SLC25A26: variants seen among roughly 807,000 people sequenced by gnomAD.
SLC25A26 encodes mitochondrial S-adenosylmethionine carrier protein.
Under a neutral mutation model 37.8 loss-of-function variants are expected in SLC25A26, and 36 were observed. The observed-to-expected ratio is 0.95, with a 90% CI of 0.73 to 1.26. The LOEUF (loss-of-function observed/expected upper bound fraction) is 1.26. Ranked by LOEUF, SLC25A26 falls within the 50% of genes most tolerant of loss-of-function variation. The pLI is 0.00. For synonymous variants in SLC25A26, 129 were observed against 122.5 expected, an observed-to-expected ratio of 1.05 and a Z score of -0.35; for missense variants, 390 against 331.1, an observed-to-expected ratio of 1.18 and a Z score of -1.38.
intron 1 of SLC25A26, among the ~76,000 whole-genome samples, chr3:66,188,476 C>G (rs888248505): frequency 1.6e-4 from 24 of 152,022 alleles, no homozygotes; most frequent in Admixed American, 6.6e-4. Flanking sequence ...CTATTAGTTC[C>G]CATGAGATCT....
chr3:66,268,287 G>T (rs761233178), intron 5 of SLC25A26, among the ~76,000 whole-genome samples: 5 of 152,238 alleles, frequency 3.3e-5, no homozygotes, highest in Non-Finnish European at 5.9e-5. Context: ...GAATTACTTC[G>T]TGAAAAGTAT....
At chr3:66,293,816 CTTTGCTGT>C (rs1407183755) in intron 5 of SLC25A26, among the ~76,000 whole-genome samples, 3 of 152,064 alleles carry the variant, frequency 2.0e-5, no homozygotes, top group Non-Finnish European at 4.4e-5. Flanking sequence ...GATTCCATGT[CTTTGCTGT>C]TGTGAATAGT....
chr3:66,188,780 C>A (rs1197664487), intron 1 of SLC25A26, among the ~76,000 whole-genome samples: 8 of 151,616 alleles, frequency 5.3e-5, no homozygotes, highest in Non-Finnish European at 1.2e-4. Context: ...ACGATTAACA[C>A]CCTGGCACTG....
intron 3 of SLC25A26, among the ~76,000 whole-genome samples, chr3:66,247,428 C>T (rs2072901611): frequency 6.6e-6 from 1 of 152,070 alleles, no homozygotes; most frequent in Non-Finnish European, 1.5e-5. Context: ...TCACTTTAGC[C>T]TCCTGAGTAG....
At chr3:66,321,252 G>A (rs768252935) in intron 5 of SLC25A26, among the ~76,000 whole-genome samples, 10 of 152,162 alleles carry the variant, frequency 6.6e-5, no homozygotes, top group Non-Finnish European at 1.3e-4. Context: ...TTTAACAAGC[G>A]CTTGAAATGA....
intron 5 of SLC25A26, among the ~76,000 whole-genome samples, chr3:66,333,225 C>A (rs1266624292): frequency 6.6e-6 from 1 of 152,132 alleles, no homozygotes; most frequent in Non-Finnish European, 1.5e-5. Context: ...AGCAAATATT[C>A]TTCTGCTTTA....
At chr3:66,249,088 TG>T (rs1266205648) in intron 3 of SLC25A26, among the ~76,000 whole-genome samples, 1 of 152,206 alleles carries the variant, frequency 6.6e-6, no homozygotes, top group Non-Finnish European at 1.5e-5. Context: ...AGATCAAATG[TG>T]TTATTCTTTC....
At position 66,369,358 on chromosome 3, in the gene SLC25A26, T is replaced by G; in HGVS notation, c.569-120T>G. The G allele has an allele frequency of 6.4e-6, 5 of 782,600 alleles. 1 individual carries two copies. The highest frequency in any genetic ancestry group is 4.9e-5 in the South Asian group (3 of 61,590). The allele number at this position is 782,600 out of a possible 1,614,324, so 48.5% of individuals were successfully genotyped here. A position where few individuals can be genotyped will look rare whatever the true frequency, so the allele number is the denominator to read the frequency against. On this transcript the variant is annotated intron_variant, in intron 7 of 9. Coordinates refer to ENST00000354883, the MANE Select transcript of SLC25A26 (RefSeq NM_001379210.1). ...AAGATTGTGCATGTGTGCATCCTGT[T>G]CTTCAATCAGCCAGGTGTACATAAT...
chr3:66,250,844 G>T (rs1305254354), intron 3 of SLC25A26, among the ~76,000 whole-genome samples: 1 of 152,134 alleles, frequency 6.6e-6, no homozygotes, highest in African/African-American at 2.4e-5. Flanking sequence ...AAAAAATTGT[G>T]CATCTATTTA....
intron 5 of SLC25A26, among the ~76,000 whole-genome samples, chr3:66,344,013 C>A (rs2076266788): frequency 6.6e-6 from 1 of 152,182 alleles, no homozygotes; most frequent in Non-Finnish European, 1.5e-5. Flanking sequence ...TAACAAACTT[C>A]TCTGAGATTC....
Position 66,150,188 on chromosome 3 carries a change from G to A in SLC25A26, c.-354+16204G>A, listed in dbSNP as rs573193073. ...TGATTGAGCCACTAGAACAACAAAA[G>A]TATTAACTTTAAAAAATATATAACA... On this transcript the variant is annotated intron_variant, in intron 1 of 10. Transcript: ENST00000676754. Among the ~76,000 whole-genome samples the A allele has an allele frequency of 1.5e-4, 23 of 151,988 alleles. No individual in the cohort carries two copies. The South Asian group carries it at 4.6e-3, about 30-fold the overall frequency.
intron 5 of SLC25A26, among the ~76,000 whole-genome samples, chr3:66,342,972 G>A (rs530859075): frequency 1.3e-5 from 2 of 152,216 alleles, no homozygotes; most frequent in African/African-American, 2.4e-5. Flanking sequence ...CAATAAAATG[G>A]GTATGTTGTG....
intron 1 of SLC25A26, among the ~76,000 whole-genome samples, chr3:66,191,027 T>A (rs2070931697): frequency 6.7e-6 from 1 of 148,370 alleles, no homozygotes; most frequent in South Asian, 2.2e-4. Flanking sequence ...TATTAGTGCA[T>A]ATAAGCTCAG....
At chr3:66,188,576 CCTT>C (rs1225359442) in intron 1 of SLC25A26, among the ~76,000 whole-genome samples, 2 of 152,152 alleles carry the variant, frequency 1.3e-5, no homozygotes, top group Non-Finnish European at 2.9e-5. Flanking sequence ...CTCCCCTTTG[CCTT>C]CTTCTATGAG....
At chr3:66,309,376 T>A (rs977562434) in intron 5 of SLC25A26, among the ~76,000 whole-genome samples, 6 of 152,216 alleles carry the variant, frequency 3.9e-5, no homozygotes, top group African/African-American at 1.4e-4. Flanking sequence ...TATCATTTTT[T>A]ATTGTGTCTA....
intron 5 of SLC25A26, among the ~76,000 whole-genome samples, chr3:66,289,912 A>T (rs988798332): frequency 1.3e-5 from 2 of 152,068 alleles, no homozygotes; most frequent in Non-Finnish European, 2.9e-5. Context: ...TTTGAGCAGT[A>T]TGGCCATTTT....
intron 6 of SLC25A26, among the ~76,000 whole-genome samples, chr3:66,354,394 A>G (rs546825394): frequency 6.6e-6 from 1 of 152,366 alleles, no homozygotes; most frequent in South Asian, 2.1e-4. Flanking sequence ...AGATGAAATC[A>G]TAGCTTTGTC....
intron 3 of SLC25A26, among the ~76,000 whole-genome samples, chr3:66,257,198 G>A (rs562907846): frequency 6.6e-6 from 1 of 151,826 alleles, no homozygotes; most frequent in East Asian, 1.9e-4. Context: ...GGTTAGATAA[G>A]GTATAATTTT....
intron 1 of SLC25A26, among the ~76,000 whole-genome samples, chr3:66,158,591 C>T (rs2070315794): frequency 6.6e-6 from 1 of 152,206 alleles, no homozygotes; most frequent in African/African-American, 2.4e-5. Context: ...GTTCCAATTT[C>T]TCTATAGCCT....
Sources: allele counts gnomAD v4.1 joint callset (sites outside exome capture counted in the v4.1 genomes callset), GRCh38; gene constraint gnomAD v4.1.1; transcripts MANE v1.5; gene names NCBI Gene and HGNC (gene_info 2026-07-23, HGNC 2026-07-21).